The following GRIA4 variants were observed in gnomAD, a reference collection of about 807,000 sequenced individuals.
The protein encoded by GRIA4 is glutamate ionotropic receptor AMPA type subunit 4.
A neutral mutation model predicts 104.0 loss-of-function variants in GRIA4; 34 were observed. The ratio of observed to expected loss-of-function variants is 0.33; its 90% CI spans 0.25 to 0.44. The LOEUF is 0.44. Among genes scored for constraint, GRIA4 ranks in the 20% least tolerant of loss-of-function variants. GRIA4 has a pLI of 1.00. For synonymous variants in GRIA4, 386 were observed against 381.9 expected, an observed-to-expected ratio of 1.01 and a Z score of -0.13; for missense variants, 750 against 1,096.5, an observed-to-expected ratio of 0.68 and a Z score of 4.46.
intron 3 of GRIA4, among the ~76,000 whole-genome samples, chr11:105,705,120 A>C (rs1591107896): frequency 6.6e-6 from 1 of 152,172 alleles, no homozygotes; most frequent in Non-Finnish European, 1.5e-5. Flanking sequence ...TACACATATA[A>C]ATTTATTATA....
intron 3 of GRIA4, among the ~76,000 whole-genome samples, chr11:105,714,723 A>G (rs1354462349): frequency 6.6e-6 from 1 of 152,186 alleles, no homozygotes; most frequent in Non-Finnish European, 1.5e-5. Flanking sequence ...CATCTGTTTT[A>G]GAAATGTAAA....
rs566597254 is a variant in GRIA4 at position 105,712,939 on chromosome 11, C to T, written c.248-40042C>T. Reference sequence around the variant, plus strand: ...TTAATTTAAATATCTCATACAAAGGCTGCATATTACCCAATGCTTTTAATA... The same window carrying T: ...TTAATTTAAATATCTCATACAAAGGTTGCATATTACCCAATGCTTTTAATA... On this transcript the variant is annotated intron_variant, in intron 3 of 16. Transcript: ENST00000282499. Among the ~76,000 whole-genome samples the T allele has an allele frequency of 2.0e-5, 3 of 152,128 alleles. No individual in the cohort carries two copies. The South Asian group carries it at 6.2e-4, about 32-fold the overall frequency.
chr11:105,932,884 T>G (rs1239515745), intron 13 of GRIA4, among the ~76,000 whole-genome samples: 1 of 152,110 alleles, frequency 6.6e-6, no homozygotes, highest in Non-Finnish European at 1.5e-5. Context: ...ATGGACTGTA[T>G]TTTTGTATAT....
intron 14 of GRIA4, among the ~76,000 whole-genome samples, chr11:105,946,039 T>C (rs1337656732): frequency 6.6e-6 from 1 of 152,128 alleles, no homozygotes; most frequent in Non-Finnish European, 1.5e-5. Flanking sequence ...CTTAGTGAGA[T>C]TTTTAAGGTG....
chr11:105,713,065 T>A (rs573713925), intron 3 of GRIA4, among the ~76,000 whole-genome samples: 1 of 152,192 alleles, frequency 6.6e-6, no homozygotes, highest in East Asian at 1.9e-4. Flanking sequence ...AGGTTGATAT[T>A]GCAGTATAAT....
At chr11:105,771,218 T>A (rs1837869522) in intron 4 of GRIA4, among the ~76,000 whole-genome samples, 1 of 152,086 alleles carries the variant, frequency 6.6e-6, no homozygotes, top group East Asian at 1.9e-4. Flanking sequence ...TCTAGTTCTA[T>A]CCATGCCCAC....
At chr11:105,711,922 A>G (rs1953925732) in intron 3 of GRIA4, among the ~76,000 whole-genome samples, 1 of 152,160 alleles carries the variant, frequency 6.6e-6, no homozygotes, top group Admixed American at 6.6e-5. Context: ...TGAATACCAC[A>G]ACACTTACTT....
chr11:105,752,971 CT>C lies in GRIA4; in HGVS notation c.248-8del, dbSNP rs1591194447. On this transcript the variant is annotated splice_polypyrimidine_tract_variant and intron_variant, in intron 3 of 16. Transcript: ENST00000282499. ...TAATAGTTTGTGGTGTTTTCTTCCT[CT>C]TGTTTCAGTCTGTTCCCAGTATTCT... is the stretch of plus-strand genomic sequence containing the variant. 1.8e-5 allele frequency: 29 copies of C among 1,609,288 alleles called. No individual in the cohort carries two copies. Among genetic ancestry groups the C allele is most frequent in the African/African-American group, 2.7e-5 (2 of 74,794 alleles).
chr11:105,708,800 T>G (rs557511670), intron 3 of GRIA4, among the ~76,000 whole-genome samples: 2 of 151,932 alleles, frequency 1.3e-5, no homozygotes, highest in African/African-American at 4.8e-5. Flanking sequence ...CTGTGTTGGG[T>G]TGAAATAAGA....
At chr11:105,749,639 C>T (rs186895840) in intron 3 of GRIA4, among the ~76,000 whole-genome samples, 6 of 152,212 alleles carry the variant, frequency 3.9e-5, no homozygotes, top group African/African-American at 1.2e-4. Context: ...AATCATTTGA[C>T]TTAGCGTGGC....
chr11:105,667,266 G>T (rs1295928053), intron 3 of GRIA4, among the ~76,000 whole-genome samples: 5 of 151,842 alleles, frequency 3.3e-5, no homozygotes, highest in Admixed American at 6.6e-5. Flanking sequence ...TTTATTAGAG[G>T]TTATTATATA....
intron 14 of GRIA4, among the ~76,000 whole-genome samples, chr11:105,948,735 A>G (rs908144331): frequency 2.6e-5 from 4 of 151,018 alleles, no homozygotes; most frequent in African/African-American, 9.7e-5. Flanking sequence ...CCTCCTGAGT[A>G]GCTGGGACTA....
intron 3 of GRIA4, among the ~76,000 whole-genome samples, chr11:105,701,807 GA>G (rs1444237644): frequency 6.6e-6 from 1 of 152,074 alleles, no homozygotes; most frequent in Non-Finnish European, 1.5e-5. Flanking sequence ...CTAATACTAT[GA>G]AATTTTAAAC....
intron 14 of GRIA4, among the ~76,000 whole-genome samples, chr11:105,944,727 G>A (rs1948265417): frequency 6.6e-6 from 1 of 152,078 alleles, no homozygotes; most frequent in Non-Finnish European, 1.5e-5. Context: ...TTAAATAGCT[G>A]ATGAGTGACA....
At chr11:105,934,832 G>T (rs1174037336) in intron 14 of GRIA4, among the ~76,000 whole-genome samples, 1 of 152,032 alleles carries the variant, frequency 6.6e-6, no homozygotes. Context: ...TGAATTGATG[G>T]GGCTGGATCC....
chr11:105,970,938 T>A (rs1281994180), intron 14 of GRIA4, among the ~76,000 whole-genome samples: 2 of 152,168 alleles, frequency 1.3e-5, no homozygotes, highest in Non-Finnish European at 2.9e-5. Context: ...TAATGACTGA[T>A]GTCCTCCTCC....
chr11:105,833,836 C>A (rs1944075090), intron 4 of GRIA4, among the ~76,000 whole-genome samples: 1 of 151,900 alleles, frequency 6.6e-6, no homozygotes, highest in South Asian at 2.1e-4. Context: ...GTCCTGTTAC[C>A]TTATTATTTC....
intron 3 of GRIA4, among the ~76,000 whole-genome samples, chr11:105,634,468 G>A (rs138372641): frequency 1.5e-3 from 143 of 94,324 alleles, no homozygotes; most frequent in African/African-American, 4.5e-3. Flanking sequence ...AGAAAGAAAG[G>A]GAAAGAAAGA....
At chr11:105,834,285 A>C (rs1366024422) in intron 4 of GRIA4, among the ~76,000 whole-genome samples, 1 of 152,104 alleles carries the variant, frequency 6.6e-6, no homozygotes, top group Non-Finnish European at 1.5e-5. Flanking sequence ...CAAGATAATG[A>C]GTATTAATAT....
Sources: allele counts gnomAD v4.1 joint callset (sites outside exome capture counted in the v4.1 genomes callset), GRCh38; gene constraint gnomAD v4.1.1; transcripts MANE v1.5; gene names NCBI Gene and HGNC (gene_info 2026-07-23, HGNC 2026-07-21).